Variants in SNCAIP observed in about 807,000 individuals in gnomAD.
SNCAIP encodes synuclein alpha interacting protein, also known as synphilin-1.
SNCAIP carries 43 observed loss-of-function variants against 86.7 expected under a neutral mutation model. That is an observed-to-expected ratio of 0.50 (90% CI 0.39 to 0.64). The LOEUF (loss-of-function observed/expected upper bound fraction) is 0.64. Among genes scored for constraint, SNCAIP ranks in the 30% least tolerant of loss-of-function variants. The pLI is 0.00. For synonymous variants in SNCAIP, 417 were observed against 427.2 expected (o/e 0.98, Z 0.29); for missense variants, 981 against 1,103.1 (o/e 0.89, Z 1.57).
At chr5:122,316,521 G>T (rs1380875024) in intron 1 of SNCAIP, among the ~76,000 whole-genome samples, 1 of 152,192 alleles carries the variant, frequency 6.6e-6, no homozygotes, top group Non-Finnish European at 1.5e-5. Flanking sequence ...ATTTATTTCG[G>T]CCTAGACGTG....
At chr5:122,388,294 T>C (rs1768626548) in intron 1 of SNCAIP, among the ~76,000 whole-genome samples, 1 of 151,412 alleles carries the variant, frequency 6.6e-6, no homozygotes, top group South Asian at 2.1e-4. Flanking sequence ...ACTGTTGGGG[T>C]CAAACAAATC....
chr5:122,411,354 A>G (rs1176116884), intron 3 of SNCAIP, among the ~76,000 whole-genome samples: 1 of 152,112 alleles, frequency 6.6e-6, no homozygotes, highest in Non-Finnish European at 1.5e-5. Flanking sequence ...CCCCCATCCC[A>G]TCTTCCCATA....
chr5:122,449,297 T>C (rs1008233085), intron 8 of SNCAIP, among the ~76,000 whole-genome samples: 42 of 152,312 alleles, frequency 2.8e-4, no homozygotes, highest in African/African-American at 1.0e-3. Flanking sequence ...AATGGCTGTA[T>C]GGATACTCAA....
chr5:122,443,883 A>G (rs1236085173), intron 7 of SNCAIP, among the ~76,000 whole-genome samples: 1 of 152,094 alleles, frequency 6.6e-6, no homozygotes, highest in African/African-American at 2.4e-5. Context: ...TCCCCCATAC[A>G]GTTCTCTCCA....
chr5:122,364,407 G>T (rs1247322532), intron 1 of SNCAIP, among the ~76,000 whole-genome samples: 2 of 152,030 alleles, frequency 1.3e-5, no homozygotes, highest in African/African-American at 2.4e-5. Context: ...CCTCTCTTGG[G>T]GTCTGGATCA....
At chr5:122,395,663 C>G (rs1770448881) in intron 2 of SNCAIP, among the ~76,000 whole-genome samples, 1 of 152,100 alleles carries the variant, frequency 6.6e-6, no homozygotes, top group African/African-American at 2.4e-5. Context: ...ACTAAAAATG[C>G]CTGCCCCCTT....
intron 1 of SNCAIP, among the ~76,000 whole-genome samples, chr5:122,345,984 T>C (rs1428398824): frequency 6.6e-6 from 1 of 151,998 alleles, no homozygotes; most frequent in African/African-American, 2.4e-5. Flanking sequence ...TTTATAATGA[T>C]GATGGGATGA....
At chr5:122,328,537 C>T in intron 1 of SNCAIP, among the ~76,000 whole-genome samples, 1 of 152,128 alleles carries the variant, frequency 6.6e-6, no homozygotes, top group East Asian at 1.9e-4. Context: ...TTAAATTGTT[C>T]TGAATATTAT....
chr5:122,409,850 A>G (rs1423429458), intron 3 of SNCAIP, among the ~76,000 whole-genome samples: 1 of 152,308 alleles, frequency 6.6e-6, no homozygotes, highest in East Asian at 1.9e-4. Flanking sequence ...TGTTTTCAAT[A>G]TTTGTTAAGG....
chr5:122,341,308 G>GC (rs751155180), intron 1 of SNCAIP, among the ~76,000 whole-genome samples: 17 of 152,316 alleles, frequency 1.1e-4, no homozygotes, highest in African/African-American at 2.6e-4. Flanking sequence ...TCAGGGTAAA[G>GC]CCCTGTGGTC....
intron 4 of SNCAIP, among the ~76,000 whole-genome samples, chr5:122,424,453 T>A (rs2152928195): frequency 6.6e-6 from 1 of 152,328 alleles, no homozygotes; most frequent in African/African-American, 2.4e-5. Flanking sequence ...CCTGGGCTCG[T>A]ACTATGATGC....
chr5:122,427,037 A>G (rs532521953), intron 5 of SNCAIP, among the ~76,000 whole-genome samples: 1 of 152,330 alleles, frequency 6.6e-6, no homozygotes, highest in East Asian at 1.9e-4. Flanking sequence ...ATCAATGAGC[A>G]TGTGTCAGTG....
chr5:122,322,742 C>G (rs1030773445), intron 1 of SNCAIP, among the ~76,000 whole-genome samples: 2 of 152,128 alleles, frequency 1.3e-5, no homozygotes, highest in Admixed American at 6.5e-5. Context: ...AAAGTAAAAT[C>G]TTAAAAATAA....
At chr5:122,450,378 G>A (rs1203458777) in intron 9 of SNCAIP, among the ~76,000 whole-genome samples, 155 bp from the exon 10 acceptor site, 1 of 152,206 alleles carries the variant, frequency 6.6e-6, no homozygotes, top group African/African-American at 2.4e-5. Context: ...ATACTATGGA[G>A]TATTTGCACA....
chr5:122,333,239 A>G (rs1755744291), intron 1 of SNCAIP, among the ~76,000 whole-genome samples: 1 of 152,252 alleles, frequency 6.6e-6, no homozygotes, highest in South Asian at 2.1e-4. Context: ...ATGAGCAAAG[A>G]TAAAACTCAT....
intron 5 of SNCAIP, among the ~76,000 whole-genome samples, chr5:122,430,022 C>T (rs1294496612): frequency 6.6e-6 from 1 of 152,146 alleles, no homozygotes; most frequent in Non-Finnish European, 1.5e-5. Context: ...CCAACTCATT[C>T]AGAACAACCT....
rs139378516 is a variant in SNCAIP, at chr5:122,423,313, C to T, written c.576C>T (p.Cys192=). ...TTINGLSGKA[C]STGSSESSSS... Reference sequence around the variant, plus strand: ...TCAATGGCCTTTCTGGCAAAGCCTGCTCTACAGGAAGTTCTGAGAGCTCAT... The same window carrying T: ...TCAATGGCCTTTCTGGCAAAGCCTGTTCTACAGGAAGTTCTGAGAGCTCAT... Residue 192 remains cysteine, a synonymous_variant, in exon 4 of 11, where the codon TGC becomes TGT. Coordinates refer to ENST00000261368, the MANE Select transcript of SNCAIP (RefSeq NM_005460.4). The T allele has an allele frequency of 2.5e-4, 411 of 1,614,176 alleles. 1 individual carries two copies. The African/African-American group carries it at 4.7e-3, about 18-fold the overall frequency.
At chr5:122,402,572 GACAATATCTACGTTCCC>G (rs1462133062) in intron 2 of SNCAIP, among the ~76,000 whole-genome samples, 1 of 151,170 alleles carries the variant, frequency 6.6e-6, no homozygotes, top group Non-Finnish European at 1.5e-5. Context: ...TTGGCAAACT[GACAATATCTACGTTCCC>G]ACCCTATGTC....
chr5:122,420,184 C>T (rs1776092864), intron 3 of SNCAIP, among the ~76,000 whole-genome samples: 1 of 152,152 alleles, frequency 6.6e-6, no homozygotes, highest in Non-Finnish European at 1.5e-5. Context: ...GTTGGCACTC[C>T]TTCTTCAGTT....
Sources: allele counts gnomAD v4.1 joint callset (sites outside exome capture counted in the v4.1 genomes callset), GRCh38; gene constraint gnomAD v4.1.1; transcripts MANE v1.5; gene names NCBI Gene and HGNC (gene_info 2026-07-23, HGNC 2026-07-21).